Variants in ASCC3 observed in about 807,000 individuals in gnomAD.
ASCC3 encodes the protein ASC-1 complex subunit P200.
ASCC3 carries 158 observed loss-of-function variants against 256.3 expected under a neutral mutation model. That is an observed-to-expected ratio of 0.62 (90% confidence interval 0.54 to 0.70). The LOEUF (loss-of-function observed/expected upper bound fraction) is 0.70, where lower values mean the gene tolerates loss of function less well. ASCC3 is among the 30% of genes least tolerant of loss of function. The pLI is 0.00. For synonymous variants in ASCC3, 948 were observed against 883.4 expected (o/e 1.07, Z -1.30); for missense variants, 2,259 against 2,626.0 (o/e 0.86, Z 3.05).
At chr6:100,792,636 G>A (rs1158999717) in intron 8 of ASCC3, among the ~76,000 whole-genome samples, 1 of 151,850 alleles carries the variant, frequency 6.6e-6, no homozygotes, top group Non-Finnish European at 1.5e-5. Context: ...CTGGAAAGAA[G>A]AGAAAATTTA....
At chr6:100,522,136 C>T (rs1054447086) in intron 37 of ASCC3, among the ~76,000 whole-genome samples, 3 of 152,180 alleles carry the variant, frequency 2.0e-5, no homozygotes, top group East Asian at 3.9e-4. Flanking sequence ...ACCTCTTATC[C>T]ACTTTCTACT....
intron 13 of ASCC3, among the ~76,000 whole-genome samples, chr6:100,693,344 G>GA (rs1384832868): frequency 2.0e-5 from 3 of 150,610 alleles, no homozygotes; most frequent in East Asian, 3.9e-4. Flanking sequence ...CAATCACTGA[G>GA]AAAAAATAAC....
At chr6:100,549,010 G>C (rs922256486) in intron 36 of ASCC3, among the ~76,000 whole-genome samples, 6 of 151,740 alleles carry the variant, frequency 4.0e-5, no homozygotes, top group Non-Finnish European at 7.4e-5. Context: ...ATTGCAATAG[G>C]AATTTTGTGA....
chr6:100,616,884 T>C (rs552049622), intron 30 of ASCC3, among the ~76,000 whole-genome samples: 133 of 152,310 alleles, frequency 8.7e-4, no homozygotes, highest in African/African-American at 3.0e-3. Context: ...AGGGAAATAA[T>C]GTAAGCAATA....
intron 13 of ASCC3, among the ~76,000 whole-genome samples, chr6:100,706,677 C>T (rs1302840082): frequency 1.3e-5 from 2 of 151,982 alleles, no homozygotes; most frequent in African/African-American, 2.4e-5. Context: ...GCAGAAGCTG[C>T]CACATAGTAA....
At chr6:100,592,783 G>A (rs920353790) in intron 34 of ASCC3, among the ~76,000 whole-genome samples, 20 of 151,970 alleles carry the variant, frequency 1.3e-4, no homozygotes, top group African/African-American at 3.9e-4. Flanking sequence ...GCATGCAACA[G>A]CTAAGTAAAA....
intron 1 of ASCC3, among the ~76,000 whole-genome samples, chr6:100,872,467 GT>G (rs1464647179): frequency 3.8e-5 from 3 of 79,656 alleles, no homozygotes. Context: ...AAAAAAAAGG[GT>G]CGGGGGGGGA....
intron 30 of ASCC3, among the ~76,000 whole-genome samples, chr6:100,616,427 T>C (rs565005844): frequency 8.9e-4 from 136 of 152,354 alleles, no homozygotes; most frequent in African/African-American, 3.0e-3. Flanking sequence ...TGAAGCACCA[T>C]GTAAAATTAT....
rs368405562 is a variant in ASCC3, at chr6:100,642,722, C to A, written c.3760G>T (p.Val1254Leu). Residue 1254 changes from valine to leucine, a missense_variant, in exon 24 of 42, where the codon GTA (valine) becomes TTA (leucine). Physicochemically the swap from Val to Leu is conservative, Grantham distance 32. Transcript: ENST00000369162. ...QVISKEAQLL[V>L]FTIPIFEPLP... ...GGCTCAAAAATAGGGATTGTAAATA[C>A]CAGTAGTTGGGCTTCTTTACTAATG... is the stretch of plus-strand genomic sequence containing the variant. The A allele has an allele frequency of 6.2e-6, 10 of 1,613,388 alleles. No individual in the cohort carries two copies. Among genetic ancestry groups the A allele is most frequent in the Non-Finnish European group, 8.5e-6 (10 of 1,179,636 alleles).
At chr6:100,880,944 G>A (rs1375074193) in intron 1 of ASCC3, 117 bp downstream of exon 1, 2 of 152,340 alleles carry the variant, frequency 1.3e-5, no homozygotes, top group East Asian at 3.9e-4. Context: ...TTGCCCCGGA[G>A]GCAGGAAGAG....
Position 100,509,109 on chromosome 6 carries a change from C to T in ASCC3, c.*277G>A, listed in dbSNP as rs1773632231. On this transcript the variant is annotated 3_prime_UTR_variant, in exon 42 of 42. Coordinates refer to ENST00000369162, the MANE Select transcript of ASCC3 (RefSeq NM_006828.4). Reference sequence around the variant, plus strand: ...GATTGATAGCTCCTAAATATCATCCCAAATATACACAAATTAAAAGATTAT... The same window carrying T: ...GATTGATAGCTCCTAAATATCATCCTAAATATACACAAATTAAAAGATTAT... 2.4e-6 allele frequency: 1 copy of T among 415,682 alleles called. No homozygotes were observed. Among genetic ancestry groups the T allele is most frequent in the Non-Finnish European group, 4.5e-6 (1 of 223,090 alleles). 25.7% of individuals were successfully genotyped at this position (415,682 alleles called of 1,614,324 possible).
At chr6:100,515,499 G>A (rs1476830872) in intron 39 of ASCC3, among the ~76,000 whole-genome samples, 1 of 152,110 alleles carries the variant, frequency 6.6e-6, no homozygotes, top group East Asian at 1.9e-4. Context: ...GGGTAAAACT[G>A]CTTAAGACTT....
chr6:100,598,836 T>G (rs942068818), intron 34 of ASCC3, among the ~76,000 whole-genome samples: 1 of 152,198 alleles, frequency 6.6e-6, no homozygotes, highest in African/African-American at 2.4e-5. Flanking sequence ...ACATTTAATT[T>G]CTGATCAATA....
chr6:100,719,225 T>C (rs1225691120), intron 11 of ASCC3, among the ~76,000 whole-genome samples: 2 of 152,124 alleles, frequency 1.3e-5, no homozygotes, highest in South Asian at 2.1e-4. Context: ...TAGTATCTTA[T>C]TATAAATTTG....
At chr6:100,795,826 C>G (rs1273769242) in intron 8 of ASCC3, among the ~76,000 whole-genome samples, 2 of 152,074 alleles carry the variant, frequency 1.3e-5, no homozygotes, top group African/African-American at 4.8e-5. Flanking sequence ...CCTTCATCTT[C>G]AATAGCACTT....
intron 14 of ASCC3, among the ~76,000 whole-genome samples, chr6:100,667,888 T>G (rs1210597777): frequency 6.6e-6 from 1 of 151,650 alleles, no homozygotes; most frequent in Non-Finnish European, 1.5e-5. Context: ...AGGAGAGAAA[T>G]AAGGGAGACC....
Position 100,662,041 on chromosome 6 carries a change from A to T in ASCC3, c.2479-11T>A, listed in dbSNP as rs754423101. 1 of 1,608,118 alleles carries T rather than the reference A, an allele frequency of 6.2e-7. No individual in the cohort carries two copies. Among genetic ancestry groups the T allele is most frequent in the Non-Finnish European group, 8.5e-7 (1 of 1,175,280 alleles). ...ATATATTTGTGTTCCCTAGATGAGG[A>T]AAAGTTAACAAAAATTTACATAAAC... On this transcript the variant is annotated splice_polypyrimidine_tract_variant and intron_variant, in intron 15 of 41. Transcript: ENST00000369162.
intron 8 of ASCC3, among the ~76,000 whole-genome samples, chr6:100,784,848 C>A (rs1294704286): frequency 6.6e-6 from 1 of 151,914 alleles, no homozygotes; most frequent in African/African-American, 2.4e-5. Context: ...AAGGCCTATT[C>A]TGTATTGACT....
intron 1 of ASCC3, among the ~76,000 whole-genome samples, chr6:100,876,765 T>A (rs1056344586): frequency 2.6e-5 from 4 of 152,142 alleles, no homozygotes; most frequent in Admixed American, 2.0e-4. Flanking sequence ...AGAACAAATA[T>A]AATTTCTAAA....
Sources: gnomAD v4.1 joint callset for allele counts (sites outside exome capture counted in the v4.1 genomes callset) on GRCh38, gnomAD v4.1.1 for gene constraint, MANE v1.5 for transcripts, NCBI Gene and HGNC (gene_info 2026-07-23, HGNC 2026-07-21) for gene names.